RARB: variants seen among roughly 807,000 people sequenced by gnomAD.
The protein encoded by RARB is HBV-activated protein.
RARB carries 17 observed loss-of-function variants against 51.9 expected under a neutral mutation model. That is an observed-to-expected ratio of 0.33 (90% CI 0.22 to 0.49). RARB has a LOEUF of 0.49. RARB is among the 20% of genes least tolerant of loss of function. RARB has a pLI of 0.99. For synonymous variants in RARB, 215 were observed against 195.4 expected, an observed-to-expected ratio of 1.10 and a Z score of -0.84; for missense variants, 369 against 550.8, an observed-to-expected ratio of 0.67 and a Z score of 3.30.
intron 2 of RARB, among the ~76,000 whole-genome samples, chr3:24,956,416 G>C (rs1176225957): frequency 6.6e-6 from 1 of 152,168 alleles, no homozygotes; most frequent in African/African-American, 2.4e-5. Flanking sequence ...TGAACTCTTT[G>C]TAACCACCCT....
chr3:25,095,944 A>G (rs1269454805), intron 3 of RARB, among the ~76,000 whole-genome samples: 1 of 152,196 alleles, frequency 6.6e-6, no homozygotes, highest in Non-Finnish European at 1.5e-5. Context: ...GCACTGTGGC[A>G]GAAAGCAGGC....
intron 2 of RARB, among the ~76,000 whole-genome samples, chr3:25,477,827 A>G (rs1161217564): frequency 6.6e-6 from 1 of 152,186 alleles, no homozygotes; most frequent in Non-Finnish European, 1.5e-5. Flanking sequence ...TGGGTCATGA[A>G]TTTATGTAAG....
chr3:24,925,999 C>T (rs909141231), intron 2 of RARB, among the ~76,000 whole-genome samples: 11 of 152,114 alleles, frequency 7.2e-5, no homozygotes, highest in Admixed American at 6.6e-4. Flanking sequence ...GTAACAGAAG[C>T]ACACAGTAGG....
chr3:25,345,896 CAT>C (rs1403231418), intron 5 of RARB: 4 of 908,644 alleles, frequency 4.4e-6, no homozygotes, highest in East Asian at 1.2e-4. Flanking sequence ...ATAATTATCA[CAT>C]GTCAGTTTAA....
chr3:25,303,579 C>G (rs1400273369), intron 5 of RARB, among the ~76,000 whole-genome samples: 1 of 152,116 alleles, frequency 6.6e-6, no homozygotes, highest in African/African-American at 2.4e-5. Flanking sequence ...TGGGCAGATA[C>G]CAGCAGACAT....
intron 5 of RARB, among the ~76,000 whole-genome samples, chr3:25,177,288 C>A (rs1700773891): frequency 6.6e-6 from 1 of 152,194 alleles, no homozygotes; most frequent in Non-Finnish European, 1.5e-5. Context: ...TAACCACAGA[C>A]TTGGCTAAAA....
At chr3:24,971,538 AT>A (rs1559416613) in intron 2 of RARB, among the ~76,000 whole-genome samples, 1 of 152,050 alleles carries the variant, frequency 6.6e-6, no homozygotes. Flanking sequence ...ATGTTTCTAC[AT>A]TTTTAAAGCT....
intron 4 of RARB, among the ~76,000 whole-genome samples, chr3:25,141,995 C>G (rs1165752341): frequency 6.6e-6 from 1 of 152,168 alleles, no homozygotes; most frequent in East Asian, 1.9e-4. Context: ...CAAGTGTAGT[C>G]CTAGGACCAG....
chr3:25,328,519 A>C (rs1268457145), intron 5 of RARB, among the ~76,000 whole-genome samples: 2 of 152,216 alleles, frequency 1.3e-5, no homozygotes, highest in Non-Finnish European at 2.9e-5. Flanking sequence ...GTCTCTGTCT[A>C]AAAGAAAAAG....
At chr3:25,216,638 G>A (rs942479533) in intron 5 of RARB, among the ~76,000 whole-genome samples, 7 of 151,756 alleles carry the variant, frequency 4.6e-5, no homozygotes, top group African/African-American at 7.3e-5. Flanking sequence ...TAGGTGCAGC[G>A]AAGCACCATA....
At chr3:24,870,758 A>G (rs1702931666) in intron 2 of RARB, among the ~76,000 whole-genome samples, 1 of 152,130 alleles carries the variant, frequency 6.6e-6, no homozygotes, top group South Asian at 2.1e-4. Context: ...AAATATGTGT[A>G]CATAATAGGC....
intron 2 of RARB, among the ~76,000 whole-genome samples, chr3:25,492,781 C>T (rs937436817): frequency 1.1e-4 from 17 of 152,004 alleles, no homozygotes; most frequent in Admixed American, 9.2e-4. Flanking sequence ...GTAAGTGTGC[C>T]GAGGAAGCTT....
intron 5 of RARB, among the ~76,000 whole-genome samples, chr3:25,309,095 T>G (rs1376947781): frequency 6.6e-6 from 1 of 151,472 alleles, no homozygotes; most frequent in African/African-American, 2.4e-5. Context: ...TCTTTTTTCC[T>G]GTCCCCTGTC....
At chr3:24,966,091 C>T (rs1575095366) in intron 2 of RARB, among the ~76,000 whole-genome samples, 1 of 95,816 alleles carries the variant, frequency 1.0e-5, no homozygotes, top group African/African-American at 4.2e-5. Context: ...GCACCTTTAT[C>T]TTTGAATTTT....
intron 3 of RARB, among the ~76,000 whole-genome samples, chr3:25,545,265 T>A (rs1699573729): frequency 6.6e-6 from 1 of 152,168 alleles, no homozygotes; most frequent in South Asian, 2.1e-4. Flanking sequence ...GCATTTTCTA[T>A]CTGGCATACC....
intron 3 of RARB, among the ~76,000 whole-genome samples, chr3:25,113,466 A>G (rs546243436): frequency 2.0e-5 from 3 of 152,330 alleles, no homozygotes; most frequent in African/African-American, 7.2e-5. Context: ...TTCTTAGGAA[A>G]TGAAGTTGTC....
chr3:24,886,872 A>C (rs1703277973), intron 2 of RARB, among the ~76,000 whole-genome samples: 1 of 152,260 alleles, frequency 6.6e-6, no homozygotes, highest in Non-Finnish European at 1.5e-5. Context: ...TTAAGCTTTT[A>C]GGGTCCACAA....
chr3:24,910,279 C>A (rs893988472), intron 2 of RARB, among the ~76,000 whole-genome samples: 2 of 152,188 alleles, frequency 1.3e-5, no homozygotes, highest in Non-Finnish European at 2.9e-5. Flanking sequence ...TGCCTTTCCA[C>A]CATCCCTTCA....
chr3:25,430,385 G>A (rs1318563902), intron 1 of RARB, among the ~76,000 whole-genome samples: 1 of 152,178 alleles, frequency 6.6e-6, no homozygotes, highest in Non-Finnish European at 1.5e-5. Flanking sequence ...ATTTCTGTTG[G>A]AATCCCAGGG....
Sources: gnomAD v4.1 joint callset for allele counts (sites outside exome capture counted in the v4.1 genomes callset) on GRCh38, gnomAD v4.1.1 for gene constraint, MANE v1.5 for transcripts, NCBI Gene and HGNC (gene_info 2026-07-23, HGNC 2026-07-21) for gene names.